The following EXOC6B variants were observed in gnomAD, a reference collection of about 807,000 sequenced individuals.
EXOC6B encodes SEC15 homolog B.
EXOC6B carries 54 observed loss-of-function variants against 113.5 expected under a neutral mutation model. The observed-to-expected ratio is 0.48, with a 90% CI of 0.38 to 0.60. The LOEUF (loss-of-function observed/expected upper bound fraction) is 0.60, where lower values mean the gene tolerates loss of function less well. EXOC6B is among the 20% of genes least tolerant of loss of function. EXOC6B has a pLI of 0.00. For missense variants in EXOC6B, 797 were observed against 977.5 expected, an observed-to-expected ratio of 0.82 and a Z score of 2.46; for synonymous variants, 357 against 339.0, an observed-to-expected ratio of 1.05 and a Z score of -0.58.
intron 20 of EXOC6B, among the ~76,000 whole-genome samples, chr2:72,216,244 G>A (rs1680522881): frequency 6.6e-6 from 1 of 152,168 alleles, no homozygotes; most frequent in Admixed American, 6.5e-5. Flanking sequence ...TTGGGCAAAG[G>A]ACATGAATAG....
chr2:72,250,770 C>T (rs1682965227), intron 20 of EXOC6B, among the ~76,000 whole-genome samples: 1 of 151,762 alleles, frequency 6.6e-6, no homozygotes, highest in Non-Finnish European at 1.5e-5. Flanking sequence ...AAAAAAAAAC[C>T]TCAATTTCAA....
intron 6 of EXOC6B, among the ~76,000 whole-genome samples, chr2:72,686,275 A>G (rs1677082161): frequency 6.6e-6 from 1 of 152,180 alleles, no homozygotes; most frequent in Non-Finnish European, 1.5e-5. Context: ...AAGTCCAAGG[A>G]ATGAAAGAAG....
At chr2:72,789,006 CTG>C (rs1684528707) in intron 1 of EXOC6B, among the ~76,000 whole-genome samples, 1 of 152,170 alleles carries the variant, frequency 6.6e-6, no homozygotes, top group Admixed American at 6.5e-5. Context: ...CTTTCATGGG[CTG>C]TGTCTAGCTC....
intron 1 of EXOC6B, among the ~76,000 whole-genome samples, chr2:72,767,346 G>T (rs901866158): frequency 6.6e-6 from 1 of 151,916 alleles, no homozygotes. Context: ...CAGGAGAATC[G>T]CTTGAAACCG....
At chr2:72,745,043 T>C (rs958521339) in intron 1 of EXOC6B, among the ~76,000 whole-genome samples, 1 of 152,140 alleles carries the variant, frequency 6.6e-6, no homozygotes, top group African/African-American at 2.4e-5. Context: ...CAATTACAAT[T>C]CTCTTAAAAG....
chr2:72,778,680 C>T (rs745336462), intron 1 of EXOC6B, among the ~76,000 whole-genome samples: 5 of 152,082 alleles, frequency 3.3e-5, no homozygotes, highest in Non-Finnish European at 7.4e-5. Flanking sequence ...CACATTCAAG[C>T]GAAGGACTAC....
chr2:72,407,674 C>A (rs1009087558), intron 18 of EXOC6B, among the ~76,000 whole-genome samples: 1 of 152,156 alleles, frequency 6.6e-6, no homozygotes, highest in Non-Finnish European at 1.5e-5. Context: ...GCCCTTCATG[C>A]TAAAAACTCT....
intron 6 of EXOC6B, among the ~76,000 whole-genome samples, chr2:72,660,116 A>C (rs1674898265): frequency 6.6e-6 from 1 of 151,920 alleles, no homozygotes; most frequent in South Asian, 2.1e-4. Context: ...AGTGTAAAGG[A>C]CTGGCTATTA....
At chr2:72,574,238 C>T (rs998528972) in intron 7 of EXOC6B, among the ~76,000 whole-genome samples, 1 of 151,670 alleles carries the variant, frequency 6.6e-6, no homozygotes, top group Admixed American at 6.6e-5. Context: ...ATAGTTTAAA[C>T]ATTGCCAATT....
At chr2:72,814,661 G>T (rs1242753015) in intron 1 of EXOC6B, among the ~76,000 whole-genome samples, 3 of 152,172 alleles carry the variant, frequency 2.0e-5, no homozygotes, top group African/African-American at 7.2e-5. Flanking sequence ...TCAAATCATT[G>T]TCCTCTTGGG....
At chr2:72,562,500 G>A (rs1265336083) in intron 7 of EXOC6B, among the ~76,000 whole-genome samples, 1 of 152,130 alleles carries the variant, frequency 6.6e-6, no homozygotes, top group Admixed American at 6.5e-5. Flanking sequence ...CTGGGGCAGA[G>A]GGAGGGGTCC....
At chr2:72,704,552 A>T (rs1285763034) in intron 6 of EXOC6B, among the ~76,000 whole-genome samples, 2 of 152,020 alleles carry the variant, frequency 1.3e-5, no homozygotes, top group East Asian at 3.9e-4. Flanking sequence ...GGTTTTTTGA[A>T]AGGATCAACA....
intron 20 of EXOC6B, among the ~76,000 whole-genome samples, chr2:72,283,041 C>T (rs944575686): frequency 1.3e-5 from 2 of 152,134 alleles, no homozygotes; most frequent in African/African-American, 4.8e-5. Context: ...ACTTGCCTAT[C>T]ATGATTAACA....
chr2:72,179,323 C>G lies in EXOC6B; in HGVS notation c.*12G>C. 1 of 1,592,154 alleles carries G rather than the reference C, an allele frequency of 6.3e-7. No individual in the cohort carries two copies. The highest frequency in any genetic ancestry group is 8.6e-7 in the Non-Finnish European group (1 of 1,168,344). ...CTGCAGCAGGTCGCCTCTGTGGGTC[C>G]GGGGTCACCCTTCATGAGTGGTGGC... On this transcript the variant is annotated 3_prime_UTR_variant, in exon 22 of 22. Transcript: ENST00000272427.
chr2:72,562,372 C>T (rs1285589929), intron 7 of EXOC6B, among the ~76,000 whole-genome samples: 2 of 152,080 alleles, frequency 1.3e-5, no homozygotes, highest in African/African-American at 4.8e-5. Flanking sequence ...AGGTCCACAT[C>T]TTGATCTCCA....
At chr2:72,669,378 T>A (rs1573590088) in intron 6 of EXOC6B, among the ~76,000 whole-genome samples, 1 of 149,554 alleles carries the variant, frequency 6.7e-6, no homozygotes. Context: ...AAAAACGAAG[T>A]CAAGAAGTGA....
At chr2:72,778,024 G>A (rs1396153602) in intron 1 of EXOC6B, among the ~76,000 whole-genome samples, 2 of 151,970 alleles carry the variant, frequency 1.3e-5, no homozygotes, top group African/African-American at 4.8e-5. Flanking sequence ...AGAAACCAAG[G>A]AACAAAAAAT....
chr2:72,354,217 C>T (rs1689840577), intron 19 of EXOC6B: 1 of 152,138 alleles, frequency 6.6e-6, no homozygotes, highest in South Asian at 2.1e-4. Context: ...ACCATATTTA[C>T]CAAACAGCCA....
At chr2:72,339,969 A>G (rs1020155883) in intron 19 of EXOC6B, among the ~76,000 whole-genome samples, 1 of 152,172 alleles carries the variant, frequency 6.6e-6, no homozygotes, top group African/African-American at 2.4e-5. Context: ...CTATAATTTT[A>G]TATTTCTAAT....
Sources: allele counts gnomAD v4.1 joint callset (sites outside exome capture counted in the v4.1 genomes callset), GRCh38; gene constraint gnomAD v4.1.1; transcripts MANE v1.5; gene names NCBI Gene and HGNC (gene_info 2026-07-23, HGNC 2026-07-21).